Variants in COBL observed in about 807,000 individuals in gnomAD.
COBL encodes the protein protein cordon-bleu.
COBL carries 51 observed loss-of-function variants against 98.8 expected under a neutral mutation model. The ratio of observed to expected loss-of-function variants is 0.52; its 90% CI spans 0.41 to 0.65. The LOEUF is 0.65. Among genes scored for constraint, COBL ranks in the 30% least tolerant of loss-of-function variants. The pLI is 0.00. For synonymous variants in COBL, 634 were observed against 651.7 expected, an observed-to-expected ratio of 0.97 and a Z score of 0.41; for missense variants, 1,617 against 1,617.5, an observed-to-expected ratio of 1.00 and a Z score of 0.01.
chr7:51,054,572 G>A (rs1333353456), intron 7 of COBL, among the ~76,000 whole-genome samples: 1 of 152,168 alleles, frequency 6.6e-6, no homozygotes, highest in Non-Finnish European at 1.5e-5. Flanking sequence ...GCATCTCCCT[G>A]CACTGGGGAC....
At chr7:51,194,137 T>C (rs930586707) in intron 2 of COBL, among the ~76,000 whole-genome samples, 4 of 152,152 alleles carry the variant, frequency 2.6e-5, no homozygotes, top group Non-Finnish European at 5.9e-5. Context: ...CCAGTGTTTG[T>C]TGTTGTTCCC....
intron 6 of COBL, among the ~76,000 whole-genome samples, chr7:51,120,153 A>G (rs565959185): frequency 6.6e-6 from 1 of 152,356 alleles, no homozygotes; most frequent in East Asian, 1.9e-4. Context: ...AGAATCCTTT[A>G]TAACTCTAGC....
At chr7:51,295,317 A>C (rs113448896) in intron 1 of COBL, among the ~76,000 whole-genome samples, 3 of 151,560 alleles carry the variant, frequency 2.0e-5, no homozygotes, top group Non-Finnish European at 2.9e-5. Flanking sequence ...ATGACAGGTT[A>C]GTAGGTGTAG....
At chr7:51,201,862 C>A (rs1791162125) in intron 2 of COBL, among the ~76,000 whole-genome samples, 1 of 152,102 alleles carries the variant, frequency 6.6e-6, no homozygotes, top group East Asian at 1.9e-4. Context: ...TATCATTTTA[C>A]CCACAGTCTG....
intron 2 of COBL, among the ~76,000 whole-genome samples, chr7:51,202,346 C>T (rs1045912303): frequency 1.2e-4 from 19 of 152,040 alleles, no homozygotes; most frequent in Admixed American, 3.3e-4. Flanking sequence ...GTTATAGCCA[C>T]GGTGTATGAT....
chr7:51,159,667 T>A (rs1376161841), intron 5 of COBL, among the ~76,000 whole-genome samples: 2 of 152,166 alleles, frequency 1.3e-5, no homozygotes, highest in Non-Finnish European at 2.9e-5. Context: ...AACATCACAT[T>A]TTCAGCCAAG....
chr7:51,183,964 A>T, intron 5 of COBL, 138 bp downstream of exon 5: 2 of 472,330 alleles, frequency 4.2e-6, no homozygotes, highest in Non-Finnish European at 7.6e-6. Flanking sequence ...GCATACTAAT[A>T]AGCTCTCTTT....
chr7:51,157,392 C>T (rs943322887), intron 5 of COBL, among the ~76,000 whole-genome samples: 1 of 152,228 alleles, frequency 6.6e-6, no homozygotes, highest in Non-Finnish European at 1.5e-5. Flanking sequence ...AAACAAGGCC[C>T]CTGGCAATGC....
rs1379103916 is a variant in COBL, at chr7:51,074,558, ATT to A, written c.1096+10606_1096+10607del. Among the ~76,000 whole-genome samples, 4 of 152,326 alleles carry A rather than the reference ATT, an allele frequency of 2.6e-5. No homozygotes were observed. In the East Asian group the frequency reaches 7.7e-4, roughly 29 times the overall value. ...TGCCTTATTTCTGGGAAGGACTCAA[ATT>A]TATATAAACCCAAAGAGAAGTTCTT... is the stretch of plus-strand genomic sequence containing the variant. On this transcript the variant is annotated intron_variant, in intron 7 of 12. Transcript: ENST00000265136.
chr7:51,052,950 G>C (rs1050281165), intron 7 of COBL, among the ~76,000 whole-genome samples: 1 of 152,142 alleles, frequency 6.6e-6, no homozygotes, highest in Admixed American at 6.5e-5. Context: ...AATGAGTGCT[G>C]TTTGACACAG....
At chr7:51,241,332 T>A (rs1027670374) in intron 1 of COBL, among the ~76,000 whole-genome samples, 3 of 152,222 alleles carry the variant, frequency 2.0e-5, no homozygotes, top group Non-Finnish European at 4.4e-5. Flanking sequence ...CTATTTTGCA[T>A]GTTATTCATG....
At chr7:51,094,154 CT>C in intron 6 of COBL, among the ~76,000 whole-genome samples, 1 of 151,806 alleles carries the variant, frequency 6.6e-6, no homozygotes, top group African/African-American at 2.4e-5. Context: ...TATGTTCTCA[CT>C]TATATGTGGA....
chr7:51,107,092 G>GTTTTTTTT (rs1160414563), intron 6 of COBL, among the ~76,000 whole-genome samples: 18 of 63,394 alleles, frequency 2.8e-4, no homozygotes, highest in Non-Finnish European at 5.3e-4. Flanking sequence ...TAGTTTGTTT[G>GTTTTTTTT]TTTTTTTTTT....
intron 5 of COBL, among the ~76,000 whole-genome samples, chr7:51,163,644 AATAAT>A (rs1338374776): frequency 1.3e-5 from 2 of 152,230 alleles, no homozygotes; most frequent in Non-Finnish European, 2.9e-5. Flanking sequence ...ACCTCATATC[AATAAT>A]ATAACAAACT....
At chr7:51,027,526 A>G (rs1787691289) in intron 10 of COBL, among the ~76,000 whole-genome samples, 186 bp downstream of exon 10, 1 of 152,194 alleles carries the variant, frequency 6.6e-6, no homozygotes, top group African/African-American at 2.4e-5. Context: ...TGTCCCTTTA[A>G]TAGTTCAGTA....
intron 12 of COBL, 114 bp from the exon 13 acceptor site, chr7:51,017,682 C>A: frequency 1.8e-6 from 2 of 1,116,000 alleles, no homozygotes; most frequent in Non-Finnish European, 2.7e-6. Flanking sequence ...CTCCTGGAAC[C>A]CCCTTCCCAG....
chr7:51,018,487 G>C (rs1234708441), intron 12 of COBL: 1 of 151,994 alleles, frequency 6.6e-6, no homozygotes, highest in East Asian at 1.9e-4. Context: ...GGTTCTCTCG[G>C]GCCCTCTTCC....
At chr7:51,083,261 G>C (rs1235588353) in intron 7 of COBL, 2 of 1,430,502 alleles carry the variant, frequency 1.4e-6, no homozygotes, top group Non-Finnish European at 1.8e-6. Context: ...TACTTCAGCA[G>C]GTTAAACCAA....
intron 6 of COBL, among the ~76,000 whole-genome samples, 159 bp downstream of exon 6, chr7:51,135,999 C>T (rs1409523047): frequency 6.6e-6 from 1 of 152,172 alleles, no homozygotes; most frequent in Non-Finnish European, 1.5e-5. Flanking sequence ...TTCCTGGCAT[C>T]TTGCCTTTAC....
Sources: allele counts gnomAD v4.1 joint callset (sites outside exome capture counted in the v4.1 genomes callset), GRCh38; gene constraint gnomAD v4.1.1; transcripts MANE v1.5; gene names NCBI Gene and HGNC (gene_info 2026-07-23, HGNC 2026-07-21).